Variants in GALNT13 observed in about 807,000 individuals in gnomAD.
GALNT13 encodes UDP-GalNAc:polypeptide N-acetylgalactosaminyltransferase 13.
In GALNT13, 28 loss-of-function variants were observed where a neutral mutation model predicts 64.2. The observed-to-expected ratio is 0.44, with a 90% confidence interval of 0.32 to 0.60. The LOEUF (loss-of-function observed/expected upper bound fraction) is 0.60. Ranked by LOEUF, GALNT13 falls within the 20% of genes least tolerant of loss-of-function variation. The pLI, the probability that GALNT13 is intolerant of heterozygous loss-of-function variation, is 0.05. For synonymous variants in GALNT13, 214 were observed against 224.6 expected (o/e 0.95, Z 0.42); for missense variants, 577 against 669.8 (o/e 0.86, Z 1.53).
At chr2:154,068,062 G>A (rs188143118) in intron 3 of GALNT13, among the ~76,000 whole-genome samples, 192 of 152,064 alleles carry the variant, frequency 1.3e-3, no homozygotes, top group Admixed American at 3.2e-3. Flanking sequence ...GATCTGAATT[G>A]ATATTTCTGA....
intron 3 of GALNT13, among the ~76,000 whole-genome samples, chr2:154,072,628 T>C (rs1700792095): frequency 6.6e-6 from 1 of 151,994 alleles, no homozygotes; most frequent in East Asian, 1.9e-4. Context: ...TTACAAAATG[T>C]TTTGAAAAAC....
At chr2:154,396,403 A>G (rs1699054779) in intron 10 of GALNT13, among the ~76,000 whole-genome samples, 1 of 152,156 alleles carries the variant, frequency 6.6e-6, no homozygotes, top group African/African-American at 2.4e-5. Flanking sequence ...TGTGTACCCC[A>G]AACACCTTTT....
intron 3 of GALNT13, among the ~76,000 whole-genome samples, chr2:154,008,241 A>G (rs988711442): frequency 5.9e-5 from 9 of 152,008 alleles, no homozygotes; most frequent in African/African-American, 2.2e-4. Context: ...TATGATGTTG[A>G]CTATGGTTTT....
chr2:153,926,346 A>G (rs1404293515), intron 2 of GALNT13: 1 of 152,064 alleles, frequency 6.6e-6, no homozygotes, highest in African/African-American at 2.4e-5. Flanking sequence ...AAAAGTGAGT[A>G]GTCTTTTCCA....
Position 154,397,645 on chromosome 2 carries a change from A to C in GALNT13, c.1296+1515A>C, listed in dbSNP as rs142833093. Among the ~76,000 whole-genome samples, 1,137 of 152,262 alleles carry C rather than the reference A, an allele frequency of 7.5e-3. 18 individuals are homozygous for C. Among genetic ancestry groups the C allele is most frequent in the African/African-American group, 0.025 (1,041 of 41,558 alleles). On this transcript the variant is annotated intron_variant, in intron 10 of 12. Transcript: ENST00000392825. ...ACTTACAATTAACTAGAAAAAATGAAAGAAAAAAATACTTGAGGTGACTGG... is the reference window on the plus strand; with the variant it reads ...ACTTACAATTAACTAGAAAAAATGACAGAAAAAAATACTTGAGGTGACTGG...
At chr2:154,056,844 ATATT>A (rs1699917734) in intron 3 of GALNT13, among the ~76,000 whole-genome samples, 1 of 151,952 alleles carries the variant, frequency 6.6e-6, no homozygotes, top group Non-Finnish European at 1.5e-5. Flanking sequence ...TTGTAATAAA[ATATT>A]TAATATTAGA....
intron 1 of GALNT13, among the ~76,000 whole-genome samples, chr2:153,873,374 C>G (rs1686126478): frequency 6.6e-6 from 1 of 152,202 alleles, no homozygotes; most frequent in African/African-American, 2.4e-5. Context: ...CTCTGGACAG[C>G]GAAAGCTGCG....
intron 4 of GALNT13, among the ~76,000 whole-genome samples, chr2:154,205,083 C>A (rs937441442): frequency 2.0e-5 from 3 of 152,242 alleles, no homozygotes; most frequent in Middle Eastern, 6.8e-3. Context: ...TCATAATCAT[C>A]GGGTGAATAG....
At position 154,115,429 on chromosome 2, in the gene GALNT13, A is replaced by AT. The variant is rs913810072; in HGVS notation, c.143-24899dup. On this transcript the variant is annotated intron_variant, in intron 3 of 12. Transcript: ENST00000392825. ...TAACTAACTCATCATTTATCTATTT[A>AT]TTTTTTTTTGAGATAGAGTCTCCCT... Among the ~76,000 whole-genome samples, 15 of 150,438 alleles carry AT rather than the reference A, an allele frequency of 1.0e-4. No homozygotes were observed. In the South Asian group the frequency reaches 1.1e-3, roughly 11 times the overall value.
chr2:153,959,920 A>G (rs149096440), intron 3 of GALNT13, among the ~76,000 whole-genome samples: 114 of 152,224 alleles, frequency 7.5e-4, no homozygotes, highest in African/African-American at 2.6e-3. Flanking sequence ...GCCCCACACA[A>G]AGCAGACAGC....
At chr2:154,146,312 A>G (rs953469031) in intron 4 of GALNT13, among the ~76,000 whole-genome samples, 2 of 151,948 alleles carry the variant, frequency 1.3e-5, no homozygotes, top group Non-Finnish European at 2.9e-5. Context: ...GCATGTTCTC[A>G]GAGACACATT....
chr2:154,153,202 AC>A (rs1339508096), intron 4 of GALNT13, among the ~76,000 whole-genome samples: 1 of 152,038 alleles, frequency 6.6e-6, no homozygotes, highest in African/African-American at 2.4e-5. Flanking sequence ...TCCACTCCAG[AC>A]CCTCTTTGCC....
At chr2:153,831,387 G>A in the GALNT13 span, among the ~76,000 whole-genome samples, 1 of 152,168 alleles carries the variant, frequency 6.6e-6, no homozygotes, top group East Asian at 1.9e-4. Context: ...GGCAAGGACA[G>A]GATCATGGGG....
At chr2:153,594,008 T>C in the GALNT13 span, among the ~76,000 whole-genome samples, 1 of 152,198 alleles carries the variant, frequency 6.6e-6, no homozygotes, top group African/African-American at 2.4e-5. Flanking sequence ...AGATATTCTA[T>C]ACTTGGTAAT....
At chr2:153,128,765 G>A in the GALNT13 span, among the ~76,000 whole-genome samples, 2 of 152,052 alleles carry the variant, frequency 1.3e-5, no homozygotes. Flanking sequence ...GACTTACAGT[G>A]CCACGTGGCT....
the GALNT13 span, among the ~76,000 whole-genome samples, chr2:153,352,657 A>G: frequency 6.6e-6 from 1 of 152,100 alleles, no homozygotes; most frequent in African/African-American, 2.4e-5. Flanking sequence ...TGCATCTAGA[A>G]TCATATATTT....
intron 4 of GALNT13, among the ~76,000 whole-genome samples, chr2:154,235,116 A>G (rs1274370948): frequency 6.6e-6 from 1 of 152,106 alleles, no homozygotes; most frequent in African/African-American, 2.4e-5. Context: ...TTGGAAGTAC[A>G]TCCTGCCCAA....
At chr2:154,449,206 T>A (rs535296359) in intron 12 of GALNT13, among the ~76,000 whole-genome samples, 1 of 152,020 alleles carries the variant, frequency 6.6e-6, no homozygotes, top group East Asian at 1.9e-4. Context: ...CTCCTTTGTA[T>A]CTAATTGCCT....
chr2:153,294,637 G>A, the GALNT13 span, among the ~76,000 whole-genome samples: 1 of 152,136 alleles, frequency 6.6e-6, no homozygotes, highest in African/African-American at 2.4e-5. Context: ...AGCTGGGGCT[G>A]GAAGAGAATG....
Sources: allele counts gnomAD v4.1 joint callset (sites outside exome capture counted in the v4.1 genomes callset), GRCh38; gene constraint gnomAD v4.1.1; transcripts MANE v1.5; gene names NCBI Gene and HGNC (gene_info 2026-07-23, HGNC 2026-07-21).